ARID4A: variants seen among roughly 807,000 people sequenced by gnomAD.
ARID4A encodes AT-rich interaction domain 4A.
ARID4A carries 39 observed loss-of-function variants against 148.6 expected under a neutral mutation model. The observed-to-expected ratio is 0.26, with a 90% CI of 0.20 to 0.34. ARID4A has a LOEUF of 0.34. ARID4A is among the 10% of genes least tolerant of loss of function. ARID4A has a pLI of 1.00. For synonymous variants in ARID4A, 475 were observed against 481.2 expected, an observed-to-expected ratio of 0.99 and a Z score of 0.17; for missense variants, 1,265 against 1,449.1, an observed-to-expected ratio of 0.87 and a Z score of 2.06.
At chr14:58,327,719 TG>T (rs1265355713) in intron 8 of ARID4A, among the ~76,000 whole-genome samples, 2 of 152,190 alleles carry the variant, frequency 1.3e-5, no homozygotes, top group Non-Finnish European at 2.9e-5. Context: ...TCACCCAGGC[TG>T]GAGTGCAGTG....
intron 11 of ARID4A, among the ~76,000 whole-genome samples, chr14:58,336,410 T>A (rs927249711): frequency 6.6e-6 from 1 of 152,242 alleles, no homozygotes; most frequent in African/African-American, 2.4e-5. Flanking sequence ...ACCTATGTAG[T>A]CATTTTGACC....
At chr14:58,315,341 T>C (rs976738047) in intron 5 of ARID4A, among the ~76,000 whole-genome samples, 2 of 152,166 alleles carry the variant, frequency 1.3e-5, no homozygotes, top group African/African-American at 4.8e-5. Context: ...ATTTTTGAAT[T>C]GTTGAAATTC....
chr14:58,317,883 G>A (rs2032574944), intron 5 of ARID4A, among the ~76,000 whole-genome samples: 2 of 151,406 alleles, frequency 1.3e-5, no homozygotes, highest in South Asian at 2.1e-4. Context: ...CCTGTAATCC[G>A]AGCACTTTCG....
At chr14:58,330,735 T>C (rs1299233009) in intron 11 of ARID4A, among the ~76,000 whole-genome samples, 1 of 152,234 alleles carries the variant, frequency 6.6e-6, no homozygotes, top group Non-Finnish European at 1.5e-5. Flanking sequence ...TTTGGCAATT[T>C]GATAAATCAT....
In ARID4A at chr14:58,364,187, A is replaced by G; in HGVS notation, c.2098A>G (p.Ser700Gly). The change falls in exon 20 of 24, where the codon AGT becomes GGT. Residue 700 changes from serine to glycine, a missense_variant. By Grantham distance (56) the Ser-to-Gly change is moderately conservative (BLOSUM62 0). Coordinates refer to ENST00000355431, the MANE Select transcript of ARID4A (RefSeq NM_002892.4). ...TCTTACAGACTCTTGTTCATCTGATAGTGAAACAGAAGATGCTTTAGAAAA... is the reference window on the plus strand; with the variant it reads ...TCTTACAGACTCTTGTTCATCTGATGGTGAAACAGAAGATGCTTTAGAAAA... ...EGKSDSCSSD[S>G]ETEDALEKNL... 1.4e-6 allele frequency: 2 copies of G among 1,416,618 alleles called. No homozygotes were observed. Among genetic ancestry groups the G allele is most frequent in the South Asian group, 1.6e-5 (1 of 61,336 alleles). 87.8% of individuals were successfully genotyped at this position (1,416,618 alleles called of 1,614,324 possible).
At position 58,328,274 on chromosome 14, in the gene ARID4A, A is replaced by G. The variant is rs141577860; in HGVS notation, c.620A>G (p.Lys207Arg). The G allele has an allele frequency of 2.4e-4, 385 of 1,604,690 alleles. 1 individual carries two copies. Among genetic ancestry groups the G allele is most frequent in the Admixed American group, 4.2e-4 (25 of 59,914 alleles). Residue 207 changes from lysine to arginine, a missense_variant, in exon 9 of 24, where the codon AAA becomes AGA. Physicochemically the swap from Lys to Arg is conservative, Grantham distance 26. This residue lies in a region of ARID4A where 249 missense variants were observed against 277.2 expected (regional missense o/e 0.90). Coordinates refer to ENST00000355431, the MANE Select transcript of ARID4A (RefSeq NM_002892.4). ...AGCTGTAATGATGACATCACAGTGA[A>G]AAAGGATCAGTGTTTAGTTCGATCA... is the stretch of plus-strand genomic sequence containing the variant. The part of the protein sequence containing the change: ...SPSCNDDITV[K>R]KDQCLVRSFI...
In ARID4A at chr14:58,318,778, A is replaced by G; in HGVS notation, c.422A>G (p.Asn141Ser). Reference protein sequence around the residue: ...FGTPVIAKKTNRGRRSSLPVT... With the variant: ...FGTPVIAKKTSRGRRSSLPVT... Reference sequence around the variant, plus strand: ...ACTCCAGTAATTGCAAAGAAGACGAACAGAGGAAGGAGATCTTCTCTTCCT... The same window carrying G: ...ACTCCAGTAATTGCAAAGAAGACGAGCAGAGGAAGGAGATCTTCTCTTCCT... The change falls in exon 7 of 24, where the codon AAC becomes AGC. Residue 141 changes from asparagine (N) to serine (S), a missense_variant. Coordinates refer to ENST00000355431, the MANE Select transcript of ARID4A (RefSeq NM_002892.4). The G allele has an allele frequency of 6.2e-7, 1 of 1,613,916 alleles. No homozygotes were observed. The highest frequency in any genetic ancestry group is 8.5e-7 in the Non-Finnish European group (1 of 1,179,798).
chr14:58,307,039 A>G (rs1242050092), intron 5 of ARID4A, among the ~76,000 whole-genome samples: 1 of 152,248 alleles, frequency 6.6e-6, no homozygotes, highest in East Asian at 1.9e-4. Context: ...TTAAAACCTT[A>G]AAGTAGTACT....
intron 21 of ARID4A, 94 bp downstream of exon 21, chr14:58,365,716 T>C: frequency 9.2e-7 from 1 of 1,084,024 alleles, no homozygotes; most frequent in Non-Finnish European, 1.3e-6. Context: ...TACTATATTG[T>C]TTTATAACTG....
Position 58,322,980 on chromosome 14 carries a change from A to AAAATATAT in ARID4A, c.450-504_450-503insAATATATA, listed in dbSNP as rs1255021613. ...TCCATTTCCAAAAAAAAAAAAAAAAAATATATATATATATATATATATATG... is the reference window on the plus strand; with the variant it reads ...TCCATTTCCAAAAAAAAAAAAAAAAAAAATATATATATATATATATATATATATATATG... On this transcript the variant is annotated intron_variant, in intron 7 of 23. Coordinates refer to ENST00000355431, the MANE Select transcript of ARID4A (RefSeq NM_002892.4). Among the ~76,000 whole-genome samples, 11 of 114,280 alleles carry AAAATATAT rather than the reference A, an allele frequency of 9.6e-5. No homozygotes were observed. The East Asian group carries it at 1.9e-3, about 20-fold the overall frequency. The allele number at this position is 114,280 out of a possible 152,430, so 75.0% of individuals were successfully genotyped here.
At position 58,373,194 on chromosome 14, in the gene ARID4A, C is replaced by G. The variant is rs533125155; in HGVS notation, c.*1205C>G. ...ACAGTTTTTATGTTTGCTATACTGCCGAATGAATTTATATCTCCCAAAGTT... is the reference window on the plus strand; with the variant it reads ...ACAGTTTTTATGTTTGCTATACTGCGGAATGAATTTATATCTCCCAAAGTT... On this transcript the variant is annotated 3_prime_UTR_variant, in exon 24 of 24. Coordinates refer to ENST00000355431, the MANE Select transcript of ARID4A (RefSeq NM_002892.4). 1.0e-5 allele frequency: 2 copies of G among 199,834 alleles called. No homozygotes were observed. Among genetic ancestry groups the G allele is most frequent in the African/African-American group, 2.3e-5 (1 of 43,422 alleles). 12.4% of individuals were successfully genotyped at this position (199,834 alleles called of 1,614,324 possible). A position where few individuals can be genotyped will look rare whatever the true frequency, so the allele number is the denominator to read the frequency against.
At chr14:58,358,187 T>G (rs1184733581) in intron 17 of ARID4A, among the ~76,000 whole-genome samples, 2 of 150,382 alleles carry the variant, frequency 1.3e-5, no homozygotes, top group African/African-American at 4.9e-5. Context: ...CTAAAAAAAT[T>G]GCCGGGTCCA....
Position 58,365,110 on chromosome 14 carries a change from A to G in ARID4A, c.3021A>G (p.Ser1007=), listed in dbSNP as rs371711982. ...TCCAACATAACTTTTCAGTAGCTTCACCACTTACTCTTAGTCAAGATGAGT... is the reference window on the plus strand; with the variant it reads ...TCCAACATAACTTTTCAGTAGCTTCGCCACTTACTCTTAGTCAAGATGAGT... The part of the protein sequence containing the change: ...PVVQHNFSVA[S]PLTLSQDESR... The change falls in exon 20 of 24, where the codon TCA becomes TCG. Residue 1007 remains serine (S), a synonymous_variant. Coordinates refer to ENST00000355431, the MANE Select transcript of ARID4A (RefSeq NM_002892.4). 8 of 1,614,004 alleles carry G rather than the reference A, an allele frequency of 5.0e-6. No homozygotes were observed. The highest frequency in any genetic ancestry group is 6.8e-6 in the Non-Finnish European group (8 of 1,180,002).
intron 17 of ARID4A, among the ~76,000 whole-genome samples, chr14:58,356,810 T>C (rs1041077341): frequency 4.0e-5 from 6 of 151,504 alleles, no homozygotes; most frequent in African/African-American, 1.5e-4. Context: ...CAAGCGATTC[T>C]CCTGCCTCAG....
rs1393308444 is a variant in ARID4A at position 58,322,981 on chromosome 14, AT to A, written c.450-503del. ...CCATTTCCAAAAAAAAAAAAAAAAA[AT>A]ATATATATATATATATATATATGCT... On this transcript the variant is annotated intron_variant, in intron 7 of 23. Coordinates refer to ENST00000355431, the MANE Select transcript of ARID4A (RefSeq NM_002892.4). Among the ~76,000 whole-genome samples the A allele has an allele frequency of 2.9e-3, 304 of 103,600 alleles. 5 individuals are homozygous for A. The highest frequency in any genetic ancestry group is 0.01 in the African/African-American group (247 of 24,060). The allele number at this position is 103,600 out of a possible 152,430, so 68.0% of individuals were successfully genotyped here.
intron 8 of ARID4A, among the ~76,000 whole-genome samples, chr14:58,324,825 G>A (rs1181710697): frequency 2.6e-5 from 4 of 152,110 alleles, no homozygotes; most frequent in African/African-American, 9.7e-5. Flanking sequence ...AGTATTTACT[G>A]AGGATCTGCA....
intron 12 of ARID4A, among the ~76,000 whole-genome samples, chr14:58,346,052 T>G (rs1321881038): frequency 6.6e-6 from 1 of 151,864 alleles, no homozygotes; most frequent in Non-Finnish European, 1.5e-5. Flanking sequence ...CCAAGCGTCT[T>G]GAACCAGCAA....
chr14:58,346,926 T>C (rs2034393822), intron 13 of ARID4A, 94 bp from the exon 14 acceptor site: 2 of 211,610 alleles, frequency 9.5e-6, no homozygotes, highest in Non-Finnish European at 1.4e-5. Context: ...AGACCCTGTC[T>C]CAAAAAAAAA....
intron 15 of ARID4A, among the ~76,000 whole-genome samples, chr14:58,349,393 T>C (rs921489684): frequency 1.3e-5 from 2 of 151,834 alleles, no homozygotes; most frequent in Admixed American, 6.6e-5. Context: ...ATGCCTGTAA[T>C]CCCAGCACTT....
Sources: gnomAD v4.1 joint callset for allele counts (sites outside exome capture counted in the v4.1 genomes callset) on GRCh38, gnomAD v4.1.1 for gene constraint, gnomAD v4.1.1 regional missense constraint, MANE v1.5 for transcripts, NCBI Gene and HGNC (gene_info 2026-07-23, HGNC 2026-07-21) for gene names.